Variants in LRP1B observed in about 807,000 individuals in gnomAD.
The protein encoded by LRP1B is LDL receptor related protein 1B, also known as low-density lipoprotein receptor-related protein 1B.
LRP1B carries 217 observed loss-of-function variants against 556.6 expected under a neutral mutation model. That is an observed-to-expected ratio of 0.39 (90% CI 0.35 to 0.44). The LOEUF is 0.44. Among genes scored for constraint, LRP1B ranks in the 20% least tolerant of loss-of-function variants. The pLI is 1.00. For synonymous variants in LRP1B, 2,047 were observed against 1,865.8 expected, an observed-to-expected ratio of 1.10 and a Z score of -2.50; for missense variants, 5,053 against 5,620.8, an observed-to-expected ratio of 0.90 and a Z score of 3.23.
At chr2:141,170,548 C>T (rs1387415712) in intron 7 of LRP1B, among the ~76,000 whole-genome samples, 1 of 151,996 alleles carries the variant, frequency 6.6e-6, no homozygotes, top group Non-Finnish European at 1.5e-5. Flanking sequence ...GTCAGTATGC[C>T]TCTCAAATGC....
chr2:140,256,214 G>A (rs1482254109), intron 86 of LRP1B, among the ~76,000 whole-genome samples: 1 of 151,904 alleles, frequency 6.6e-6, no homozygotes, highest in African/African-American at 2.4e-5. Context: ...CCAGGCCTGG[G>A]TTGAAATCTA....
intron 7 of LRP1B, among the ~76,000 whole-genome samples, chr2:141,110,638 A>ATTTT (rs10655870): frequency 1.9e-4 from 28 of 149,824 alleles, no homozygotes; most frequent in South Asian, 8.5e-4. Flanking sequence ...TGTAATCATG[A>ATTTT]TTTTTTTTTT....
chr2:141,492,352 C>T (rs1683366846), intron 2 of LRP1B, among the ~76,000 whole-genome samples: 1 of 151,904 alleles, frequency 6.6e-6, no homozygotes, highest in South Asian at 2.1e-4. Context: ...ATGTACTGGC[C>T]TAAAAACAAA....
At chr2:140,990,441 C>G (rs542422458) in intron 16 of LRP1B, among the ~76,000 whole-genome samples, 1 of 151,978 alleles carries the variant, frequency 6.6e-6, no homozygotes, top group Non-Finnish European at 1.5e-5. Context: ...TTATTACTCT[C>G]TGTCCAGTGT....
At chr2:140,851,282 T>G (rs1337000999) in intron 28 of LRP1B, among the ~76,000 whole-genome samples, 1 of 152,182 alleles carries the variant, frequency 6.6e-6, no homozygotes, top group African/African-American at 2.4e-5. Context: ...AGATTAAAGC[T>G]GTTAAGCGCC....
intron 3 of LRP1B, among the ~76,000 whole-genome samples, chr2:141,291,889 A>C (rs866345728): frequency 0.011 from 1,611 of 141,168 alleles, 31 homozygotes; most frequent in African/African-American, 0.041. Flanking sequence ...AAAAAAAAAA[A>C]ACTTGTTTGG....
chr2:141,587,838 A>G (rs942504047), intron 2 of LRP1B, among the ~76,000 whole-genome samples: 7 of 152,238 alleles, frequency 4.6e-5, no homozygotes, highest in Non-Finnish European at 5.9e-5. Context: ...AAAAAACAAT[A>G]CAAGTAATGC....
At position 140,621,591 on chromosome 2, in the gene LRP1B, C is replaced by T. The variant is rs992105306; in HGVS notation, c.6800-19952G>A. On this transcript the variant is annotated intron_variant, in intron 41 of 90. Coordinates refer to ENST00000389484, the MANE Select transcript of LRP1B (RefSeq NM_018557.3). ...GTTTATGATTTTCAAATGAATAACC[C>T]ACTTAAATGTAGGGAGCATTAATAC... Among the ~76,000 whole-genome samples the T allele has an allele frequency of 3.9e-5, 6 of 152,050 alleles. No individual in the cohort carries two copies. The South Asian group carries it at 6.2e-4, about 16-fold the overall frequency.
chr2:140,721,866 A>T (rs764431456), intron 35 of LRP1B, among the ~76,000 whole-genome samples: 2 of 151,712 alleles, frequency 1.3e-5, no homozygotes, highest in African/African-American at 4.8e-5. Context: ...CCTTTTTGTC[A>T]TGCCTTAGTA....
chr2:140,375,872 C>T (rs890805138), intron 68 of LRP1B, among the ~76,000 whole-genome samples: 2 of 151,868 alleles, frequency 1.3e-5, no homozygotes, highest in Non-Finnish European at 2.9e-5. Flanking sequence ...TATTTTTAAA[C>T]TTCTTCTTTG....
At chr2:141,223,567 A>G (rs1683125525) in intron 6 of LRP1B, among the ~76,000 whole-genome samples, 1 of 152,196 alleles carries the variant, frequency 6.6e-6, no homozygotes, top group African/African-American at 2.4e-5. Flanking sequence ...AAGAGCCTGT[A>G]TAACTAAGCC....
intron 1 of LRP1B, among the ~76,000 whole-genome samples, chr2:141,836,948 C>A (rs1418421277): frequency 6.6e-6 from 1 of 151,618 alleles, no homozygotes; most frequent in Non-Finnish European, 1.5e-5. Flanking sequence ...TTGTGATTTT[C>A]TTTAAAACAA....
intron 2 of LRP1B, among the ~76,000 whole-genome samples, chr2:141,690,430 T>TATATATATAA (rs1691481249): frequency 8.4e-6 from 1 of 119,682 alleles, no homozygotes; most frequent in African/African-American, 3.1e-5. Flanking sequence ...TATATATATA[T>TATATATATAA]ATATATATAT....
chr2:140,251,368 A>T (rs1681407888), intron 86 of LRP1B, among the ~76,000 whole-genome samples: 1 of 151,916 alleles, frequency 6.6e-6, no homozygotes, highest in African/African-American at 2.4e-5. Context: ...AGGTATATTA[A>T]AATCTTCAGA....
intron 32 of LRP1B, among the ~76,000 whole-genome samples, chr2:140,796,093 A>G (rs1408488296): frequency 6.6e-6 from 1 of 152,052 alleles, no homozygotes; most frequent in African/African-American, 2.4e-5. Context: ...CTTTCTATGT[A>G]CATACACACA....
At chr2:140,641,621 G>T (rs78357500) in intron 41 of LRP1B, among the ~76,000 whole-genome samples, 2 of 152,142 alleles carry the variant, frequency 1.3e-5, no homozygotes, top group African/African-American at 4.8e-5. Context: ...CTCTGTGAGG[G>T]AAGGCACCTT....
chr2:140,390,418 T>A (rs1022288236), intron 66 of LRP1B, among the ~76,000 whole-genome samples: 5 of 152,036 alleles, frequency 3.3e-5, no homozygotes, highest in African/African-American at 1.2e-4. Context: ...ATAAAAAACA[T>A]AAATCTCCAT....
intron 3 of LRP1B, among the ~76,000 whole-genome samples, chr2:141,475,829 T>C (rs1010106292): frequency 6.6e-6 from 1 of 152,024 alleles, no homozygotes; most frequent in Non-Finnish European, 1.5e-5. Flanking sequence ...CCCCACACCA[T>C]CCCTTTTCCA....
chr2:142,053,849 C>T (rs1167705843), intron 1 of LRP1B, among the ~76,000 whole-genome samples: 2 of 152,124 alleles, frequency 1.3e-5, no homozygotes, highest in African/African-American at 4.8e-5. Context: ...GTGAGTAAGT[C>T]AGAATTTGTA....
Sources: allele counts gnomAD v4.1 joint callset (sites outside exome capture counted in the v4.1 genomes callset), GRCh38; gene constraint gnomAD v4.1.1; transcripts MANE v1.5; gene names NCBI Gene and HGNC (gene_info 2026-07-23, HGNC 2026-07-21).